NKX2-5: variants seen among roughly 807,000 people sequenced by gnomAD.
NKX2-5 encodes the protein NK2 homeobox 5.
NKX2-5 carries 3 observed loss-of-function variants against 24.5 expected under a neutral mutation model. That is an observed-to-expected ratio of 0.12 (90% CI 0.06 to 0.32). NKX2-5 has a LOEUF of 0.32. Among genes scored for constraint, NKX2-5 ranks in the 10% least tolerant of loss-of-function variants. The pLI, the probability that NKX2-5 is intolerant of heterozygous loss-of-function variation, is 1.00. For synonymous variants in NKX2-5, 215 were observed against 217.6 expected, an observed-to-expected ratio of 0.99 and a Z score of 0.11; for missense variants, 429 against 452.4, an observed-to-expected ratio of 0.95 and a Z score of 0.47.
chr5:173,235,063 G>C lies in NKX2-5; in HGVS notation c.21C>G (p.Leu7=), dbSNP rs3729934. The part of the protein sequence containing the change: MFPSPA[L]TPTPFSVKDI... ...CTTTGACTGAGAAGGGCGTGGGCGT[G>C]AGAGCAGGGCTGGGGAACATGGTGG... The change falls in exon 1 of 2, where the codon CTC becomes CTG. Residue 7 remains leucine (L), a synonymous_variant. Transcript: ENST00000329198. 2 of 1,611,190 alleles carry C rather than the reference G, an allele frequency of 1.2e-6. No homozygotes were observed. The highest frequency in any genetic ancestry group is 1.7e-6 in the Non-Finnish European group (2 of 1,179,288).
At position 173,233,513 on chromosome 5, in the gene NKX2-5, AAAAAAATAAAT is replaced by A; in HGVS notation, c.335-315_335-305del. 7 of 868,360 alleles carry A rather than the reference AAAAAAATAAAT, an allele frequency of 8.1e-6. 1 individual carries two copies. Among genetic ancestry groups the A allele is most frequent in the South Asian group, 3.3e-5 (2 of 60,160 alleles). 53.8% of individuals were successfully genotyped at this position (868,360 alleles called of 1,614,324 possible). ...CTTAAAATTTCAGGCTGCAAAAAAA[AAAAAAATAAAT>A]AAAAAAATAAAAAAATAAAAATAAA... On this transcript the variant is annotated intron_variant, in intron 1 of 1. Coordinates refer to ENST00000329198, the MANE Select transcript of NKX2-5 (RefSeq NM_004387.4).
At chr5:173,233,907 G>A (rs1761398871) in intron 1 of NKX2-5, 4 of 1,180,910 alleles carry the variant, frequency 3.4e-6, no homozygotes, top group South Asian at 1.6e-5. Flanking sequence ...TTCGCCCAGC[G>A]CTTCGCCCAG....
At chr5:173,233,278 A>G (rs879431143) in intron 1 of NKX2-5, 69 bp from the exon 2 acceptor site, 4 of 1,557,848 alleles carry the variant, frequency 2.6e-6, no homozygotes, top group African/African-American at 1.4e-5. Context: ...GCGGCCGCAC[A>G]GTAATGGTAA....
At position 173,232,461 on chromosome 5, in the gene NKX2-5, T is replaced by A. The variant is rs564938028; in HGVS notation, c.*108A>T. 5.9e-5 allele frequency: 90 copies of A among 1,534,622 alleles called. 1 individual carries two copies. Among genetic ancestry groups the A allele is most frequent in the Admixed American group, 2.2e-4 (11 of 49,868 alleles). On this transcript the variant is annotated 3_prime_UTR_variant, in exon 2 of 2. Transcript: ENST00000329198. This position sits in a 1 kb window ranked among gnomAD's most constrained non-coding sequence, Gnocchi z 5.9. ...GTTCCTAGGTCTCCGCAGGAGTGAA[T>A]GCAAAATCCAGGGGACTCAGGGTCA...
In NKX2-5 at chr5:173,232,513, A is replaced by G. The variant is rs1761337465; in HGVS notation, c.*56T>C. 1.9e-6 allele frequency: 3 copies of G among 1,594,790 alleles called. No homozygotes were observed. The highest frequency in any genetic ancestry group is 1.3e-5 in the African/African-American group (1 of 74,980). On this transcript the variant is annotated 3_prime_UTR_variant, in exon 2 of 2. Coordinates refer to ENST00000329198, the MANE Select transcript of NKX2-5 (RefSeq NM_004387.4). The surrounding 1 kb of genome is among the most constrained non-coding windows in gnomAD (Gnocchi z 5.9). ...GTTGGGAGCCCCTTCTCCCCCCGAG[A>G]GTCAGGGAGCTGTTGAGGTGGGATC...
At chr5:173,233,532 T>TAA (rs1275879896) in intron 1 of NKX2-5, 24 of 825,356 alleles carry the variant, frequency 2.9e-5, no homozygotes, top group Non-Finnish European at 3.7e-5. Flanking sequence ...AATAAAAAAA[T>TAA]AAAAAAATAA....
Position 173,234,760 on chromosome 5 carries a change from G to A in NKX2-5, c.324C>T (p.Ala108=), listed in dbSNP as rs773586494. 1 of 1,522,896 alleles carries A rather than the reference G, an allele frequency of 6.6e-7. No individual in the cohort carries two copies. The highest frequency in any genetic ancestry group is 8.8e-7 in the Non-Finnish European group (1 of 1,138,224). The allele number at this position is 1,522,896 out of a possible 1,614,324, so 94.3% of individuals were successfully genotyped here. The change falls in exon 1 of 2, where the codon GCC becomes GCT. Residue 108 remains alanine, a synonymous_variant. Transcript: ENST00000329198. ...GTGTTTCCTCCTCACCTTTCTTTTC[G>A]GCTCTAGGGTCCTTGGCTGGGTCGG... ...SDPDPAKDPR[A]EKKELCALQK... is the part of the protein sequence containing the mutation.
rs1761379580 is a variant in NKX2-5, at chr5:173,233,511, AAAAAAAAATAAAT to A, written c.335-315_335-303del. The A allele has an allele frequency of 6.8e-6, 6 of 882,030 alleles. No homozygotes were observed. In the Admixed American group the frequency reaches 9.4e-5, roughly 14 times the overall value. The allele number at this position is 882,030 out of a possible 1,614,324, so 54.6% of individuals were successfully genotyped here. A position where few individuals can be genotyped will look rare whatever the true frequency, so the allele number is the denominator to read the frequency against. ...GACTTAAAATTTCAGGCTGCAAAAA[AAAAAAAAATAAAT>A]AAAAAAATAAAAAAATAAAAATAAA... On this transcript the variant is annotated intron_variant, in intron 1 of 1. Transcript: ENST00000329198.
At chr5:173,233,360 C>G (rs1268348426) in intron 1 of NKX2-5, 151 bp from the exon 2 acceptor site, 1 of 1,536,980 alleles carries the variant, frequency 6.5e-7, no homozygotes, top group Non-Finnish European at 8.7e-7. Context: ...GCCAAGTGCA[C>G]TGGGAGCCAC....
In NKX2-5 at chr5:173,232,838, G is replaced by A. The variant is rs770192204; in HGVS notation, c.706C>T (p.Pro236Ser). The A allele has an allele frequency of 6.2e-7, 1 of 1,611,882 alleles. No individual in the cohort carries two copies. Among genetic ancestry groups the A allele is most frequent in the East Asian group, 2.2e-5 (1 of 44,844 alleles). Residue 236 changes from proline (P) to serine (S), a missense_variant, in exon 2 of 2, where the codon CCC becomes TCC. Coordinates refer to ENST00000329198, the MANE Select transcript of NKX2-5 (RefSeq NM_004387.4). The surrounding 1 kb of genome is among the most constrained non-coding windows in gnomAD (Gnocchi z 5.9). ...CCCACGCCGTAGGCAGGCGCGTAGG[G>A]CGCCGAGTCCCCTAGGCATGGCTTG... Reference protein sequence around the residue: ...DGKPCLGDSAPYAPAYGVGLN... With the variant: ...DGKPCLGDSASYAPAYGVGLN...
At position 173,232,922 on chromosome 5, in the gene NKX2-5, GCAGCCCCACCAGCTC is replaced by G. The variant is rs1467274991; in HGVS notation, c.607_621del (p.Glu203_Leu207del). The G allele has an allele frequency of 1.2e-6, 2 of 1,603,716 alleles. No individual in the cohort carries two copies. The highest frequency in any genetic ancestry group is 2.2e-5 in the South Asian group (2 of 90,396). ...CGGGCAGGCGGCGGCGGCGGCGGGG[GCAGCCCCACCAGCTC>G]CAGAGTCTGGTCCTGCCGCTGCCGC... is the stretch of plus-strand genomic sequence containing the variant. On this transcript the variant is annotated inframe_deletion, in exon 2 of 2. Coordinates refer to ENST00000329198, the MANE Select transcript of NKX2-5 (RefSeq NM_004387.4). The surrounding 1 kb of genome is among the most constrained non-coding windows in gnomAD (Gnocchi z 5.9).
At position 173,234,914 on chromosome 5, in the gene NKX2-5, G is replaced by T. The variant is rs1346280352; in HGVS notation, c.170C>A (p.Ala57Asp). The T allele has an allele frequency of 6.2e-7, 1 of 1,609,930 alleles. No homozygotes were observed. ...GCCCGGCGCAGCCGCCTCGGGCCCA[G>T]CGTAGGCCTCTGGCTTGAAGGCGGC... ...MLAAFKPEAY[A>D]GPEAAAPGLP... Residue 57 changes from alanine to aspartate, a missense_variant, in exon 1 of 2, where the codon GCT becomes GAT. Transcript: ENST00000329198.
chr5:173,234,923 T>A lies in NKX2-5; in HGVS notation c.161A>T (p.Glu54Val), dbSNP rs1261741680. Residue 54 changes from glutamate to valine, a missense_variant, in exon 1 of 2, where the codon GAG becomes GTG. Around this residue, in one of 3 missense-constraint regions of NKX2-5, gnomAD observed 240 missense variants for 240.4 expected, o/e 1.00. Coordinates refer to ENST00000329198, the MANE Select transcript of NKX2-5 (RefSeq NM_004387.4). ...AGCCGCCTCGGGCCCAGCGTAGGCC[T>A]CTGGCTTGAAGGCGGCCAGCATGCA... ...SSCMLAAFKP[E>V]AYAGPEAAAP... is the part of the protein sequence containing the mutation. 1 of 1,610,504 alleles carries A rather than the reference T, an allele frequency of 6.2e-7. No individual in the cohort carries two copies. The highest frequency in any genetic ancestry group is 8.5e-7 in the Non-Finnish European group (1 of 1,178,834).
chr5:173,233,316 T>C (rs754529078), intron 1 of NKX2-5, 107 bp from the exon 2 acceptor site: 9 of 1,539,032 alleles, frequency 5.8e-6, no homozygotes, highest in Non-Finnish European at 7.8e-6. Context: ...CACTGTGTCC[T>C]GCCTGGAGCG....
At position 173,235,010 on chromosome 5, in the gene NKX2-5, C is replaced by G; in HGVS notation, c.74G>C (p.Arg25Pro). Reference sequence around the variant, plus strand: ...GAGCTCTCCGGCGGCAGCCAGGCTGCGCTGCTGCTGTTCCAGGTTTAGGAT... The same window carrying G: ...GAGCTCTCCGGCGGCAGCCAGGCTGGGCTGCTGCTGTTCCAGGTTTAGGAT... ...KDILNLEQQQ[R>P]SLAAAGELSA... Residue 25 changes from arginine (R) to proline (P), a missense_variant, in exon 1 of 2, where the codon CGC (arginine) becomes CCC (proline). Physicochemically the swap from Arg to Pro is moderately radical, Grantham distance 103. Coordinates refer to ENST00000329198, the MANE Select transcript of NKX2-5 (RefSeq NM_004387.4). The G allele has an allele frequency of 6.2e-7, 1 of 1,612,224 alleles. No homozygotes were observed. Among genetic ancestry groups the G allele is most frequent in the Non-Finnish European group, 8.5e-7 (1 of 1,179,608 alleles).
rs1761431105 is a variant in NKX2-5, at chr5:173,234,789, C to A, written c.295G>T (p.Asp99Tyr). 3.2e-6 allele frequency: 5 copies of A among 1,570,488 alleles called. No homozygotes were observed. The highest frequency in any genetic ancestry group is 2.8e-5 in the African/African-American group (2 of 71,792). Residue 99 changes from aspartate (D) to tyrosine (Y), a missense_variant, in exon 1 of 2, where the codon GAC (aspartate) becomes TAC (tyrosine). Asp to Tyr is a radical substitution (Grantham distance 160). Around this residue, in one of 3 missense-constraint regions of NKX2-5, gnomAD observed 240 missense variants for 240.4 expected, o/e 1.00. Transcript: ENST00000329198. ...APAFYPRAYS[D>Y]PDPAKDPRAE... ...CTAGGGTCCTTGGCTGGGTCGGGGT[C>A]GCTGTAGGCACGTGGATAGAAGGCG...
rs1464139857 is a variant in NKX2-5 at position 173,232,125 on chromosome 5, A to G, written c.*444T>C. On this transcript the variant is annotated 3_prime_UTR_variant, in exon 2 of 2. Coordinates refer to ENST00000329198, the MANE Select transcript of NKX2-5 (RefSeq NM_004387.4). The surrounding 1 kb of genome is among the most constrained non-coding windows in gnomAD (Gnocchi z 5.9). ...CGTGCGGGGTCAACGCACTCTCTTT[A>G]ATGGGAAGGGGATCGTCATTTCTTA... The G allele has an allele frequency of 5.4e-6, 1 of 184,434 alleles. No individual in the cohort carries two copies. Among genetic ancestry groups the G allele is most frequent in the Non-Finnish European group, 1.1e-5 (1 of 88,410 alleles). 11.4% of individuals were successfully genotyped at this position (184,434 alleles called of 1,614,324 possible).
chr5:173,232,862 T>G lies in NKX2-5; in HGVS notation c.682A>C (p.Lys228Gln), dbSNP rs772081524. ...IAVPVLVRDG[K>Q]PCLGDSAPYA... is the part of the protein sequence containing the mutation. ...GGCGCCGAGTCCCCTAGGCATGGCT[T>G]GCCATCGCGCACCAGCACTGGCACC... The change falls in exon 2 of 2, where the codon AAG (lysine) becomes CAG (glutamine). Residue 228 changes from lysine to glutamine, a missense_variant. By Grantham distance (53) the Lys-to-Gln change is moderately conservative. Transcript: ENST00000329198. This position sits in a 1 kb window ranked among gnomAD's most constrained non-coding sequence, Gnocchi z 5.9. 1 of 1,611,134 alleles carries G rather than the reference T, an allele frequency of 6.2e-7. No homozygotes were observed. Among genetic ancestry groups the G allele is most frequent in the Non-Finnish European group, 8.5e-7 (1 of 1,179,180 alleles).
At position 173,233,524 on chromosome 5, in the gene NKX2-5, T is replaced by TA. The variant is rs745694632; in HGVS notation, c.335-316dup. The TA allele has an allele frequency of 2.7e-3, 1,553 of 571,576 alleles. 117 individuals carry two copies. Among genetic ancestry groups the TA allele is most frequent in the South Asian group, 0.019 (829 of 43,662 alleles). The allele number at this position is 571,576 out of a possible 1,614,324, so 35.4% of individuals were successfully genotyped here. On this transcript the variant is annotated intron_variant, in intron 1 of 1. Coordinates refer to ENST00000329198, the MANE Select transcript of NKX2-5 (RefSeq NM_004387.4). ...AGGCTGCAAAAAAAAAAAAAATAAA[T>TA]AAAAAAATAAAAAAATAAAAATAAA...
Sources: gnomAD v4.1 joint callset for allele counts on GRCh38, gnomAD v4.1.1 for gene constraint, gnomAD v4.1.1 regional missense constraint, Gnocchi (gnomAD v3.1) non-coding constraint, MANE v1.5 for transcripts, NCBI Gene and HGNC (gene_info 2026-07-23, HGNC 2026-07-21) for gene names.